The following MMP16 variants were observed in gnomAD, a reference collection of about 807,000 sequenced individuals.
MMP16 encodes the protein matrix metallopeptidase 16.
In MMP16, 12 loss-of-function variants were observed where a neutral mutation model predicts 67.8. That is an observed-to-expected ratio of 0.18 (90% confidence interval 0.11 to 0.29). The LOEUF is 0.29. Ranked by LOEUF, MMP16 falls within the 10% of genes least tolerant of loss-of-function variation. The pLI is 1.00. For synonymous variants in MMP16, 249 were observed against 255.9 expected (o/e 0.97, Z 0.26); for missense variants, 475 against 765.7 (o/e 0.62, Z 4.48).
Position 88,327,303 on chromosome 8 carries a change from C to G in MMP16, c.-97G>C. The stretch of plus-strand genomic sequence containing the variant: ...CGTTTCCTTTCAAAAAAAAGTCCTC[C>G]GGGTGGGTAAGGAGCCTGCAGGTTC... On this transcript the variant is annotated 5_prime_UTR_variant, in exon 1 of 10. Coordinates refer to ENST00000286614, the MANE Select transcript of MMP16 (RefSeq NM_005941.5). 6.5e-7 allele frequency: 1 copy of G among 1,546,820 alleles called. No homozygotes were observed. Among genetic ancestry groups the G allele is most frequent in the African/African-American group, 1.4e-5 (1 of 73,612 alleles).
Position 88,038,709 on chromosome 8 carries a change from T to C in MMP16, c.*2752A>G, listed in dbSNP as rs955219863. The C allele has an allele frequency of 6.6e-6, 1 of 152,592 alleles. No homozygotes were observed. The highest frequency in any genetic ancestry group is 2.4e-5 in the African/African-American group (1 of 41,450). 9.5% of individuals were successfully genotyped at this position (152,592 alleles called of 1,614,324 possible). On this transcript the variant is annotated 3_prime_UTR_variant, in exon 10 of 10. Coordinates refer to ENST00000286614, the MANE Select transcript of MMP16 (RefSeq NM_005941.5). The surrounding 1 kb of genome is among the most constrained non-coding windows in gnomAD (Gnocchi z 4.1). ...CACTGTATAAACGAGCTTATGTATATAGTCCTCCATGCTTAGCAGCAGTGA... is the reference window on the plus strand; with the variant it reads ...CACTGTATAAACGAGCTTATGTATACAGTCCTCCATGCTTAGCAGCAGTGA...
intron 1 of MMP16, among the ~76,000 whole-genome samples, chr8:88,257,352 C>A (rs1394651037): frequency 6.6e-6 from 1 of 152,180 alleles, no homozygotes; most frequent in Non-Finnish European, 1.5e-5. Flanking sequence ...AAAGGAGTAA[C>A]CTTCCAGCAG....
chr8:88,266,713 GA>G lies in MMP16; in HGVS notation c.132+60361del, dbSNP rs891079264. 6.7e-3 allele frequency among the ~76,000 whole-genome samples: 999 copies of G among 148,876 alleles called. 6 individuals carry two copies. Among genetic ancestry groups the G allele is most frequent in the African/African-American group, 0.022 (915 of 40,750 alleles). ...CTTCTTAGTAGCTTGTAAAAACACA[GA>G]AAAAAAAAATGTGCCTACCCAAGGT... is the stretch of plus-strand genomic sequence containing the variant. On this transcript the variant is annotated intron_variant, in intron 1 of 9. Coordinates refer to ENST00000286614, the MANE Select transcript of MMP16 (RefSeq NM_005941.5).
At chr8:88,317,561 T>G (rs1811392750) in intron 1 of MMP16, among the ~76,000 whole-genome samples, 2 of 152,182 alleles carry the variant, frequency 1.3e-5, no homozygotes, top group South Asian at 2.1e-4. Flanking sequence ...TTTGTGAATT[T>G]CTCTTTATTG....
At chr8:88,083,000 A>G (rs1158419075) in intron 6 of MMP16, among the ~76,000 whole-genome samples, 1 of 152,060 alleles carries the variant, frequency 6.6e-6, no homozygotes, top group Admixed American at 6.6e-5. Flanking sequence ...AGAAACTTCA[A>G]ATAAATATTA....
chr8:88,102,534 C>A (rs970573710), intron 6 of MMP16, among the ~76,000 whole-genome samples: 4 of 151,646 alleles, frequency 2.6e-5, no homozygotes, highest in African/African-American at 9.7e-5. Flanking sequence ...TTTATGGTGG[C>A]TTCATTATGT....
intron 8 of MMP16, 123 bp downstream of exon 8, chr8:88,056,005 C>T: frequency 1.6e-6 from 1 of 609,232 alleles, no homozygotes; most frequent in Non-Finnish European, 2.5e-6. Context: ...TTTTTAATTG[C>T]ATTAACTCCT....
At chr8:88,079,307 G>C (rs1012350024) in intron 6 of MMP16, among the ~76,000 whole-genome samples, 5 of 152,254 alleles carry the variant, frequency 3.3e-5, no homozygotes, top group African/African-American at 9.6e-5. Context: ...TTTTGAGAGA[G>C]AGACCATATA....
At chr8:88,223,949 C>T (rs1809727795) in intron 1 of MMP16, among the ~76,000 whole-genome samples, 1 of 151,688 alleles carries the variant, frequency 6.6e-6, no homozygotes, top group Non-Finnish European at 1.5e-5. Context: ...TGAGAATGAC[C>T]TCTAGGAATG....
chr8:88,134,494 T>C (rs1393931010), intron 4 of MMP16, among the ~76,000 whole-genome samples: 1 of 151,724 alleles, frequency 6.6e-6, no homozygotes, highest in Non-Finnish European at 1.5e-5. Context: ...TTATTTTCTA[T>C]TTTGTAAGCC....
intron 1 of MMP16, among the ~76,000 whole-genome samples, chr8:88,283,070 T>C (rs1020569610): frequency 1.3e-5 from 2 of 152,190 alleles, no homozygotes; most frequent in African/African-American, 4.8e-5. Flanking sequence ...ATCTCATGCA[T>C]AATACTCTGG....
chr8:88,049,910 A>G (rs956829330), intron 8 of MMP16, among the ~76,000 whole-genome samples: 1 of 152,168 alleles, frequency 6.6e-6, no homozygotes, highest in Non-Finnish European at 1.5e-5. Context: ...CTTTAGTTCC[A>G]GCTACTCAGG....
At chr8:88,150,767 TG>T (rs1404524539) in intron 4 of MMP16, among the ~76,000 whole-genome samples, 2 of 151,284 alleles carry the variant, frequency 1.3e-5, no homozygotes, top group Non-Finnish European at 2.9e-5. Context: ...CATGCCAAAA[TG>T]TAAAGACCAT....
intron 1 of MMP16, among the ~76,000 whole-genome samples, chr8:88,320,753 T>C (rs1220422706): frequency 1.3e-5 from 2 of 152,126 alleles, no homozygotes; most frequent in Non-Finnish European, 2.9e-5. Context: ...AGCAGCTCAA[T>C]AGCTCCCTCT....
chr8:88,211,797 C>A (rs1809516728), intron 1 of MMP16, among the ~76,000 whole-genome samples: 1 of 152,152 alleles, frequency 6.6e-6, no homozygotes, highest in African/African-American at 2.4e-5. Flanking sequence ...CCCAAAATAT[C>A]ATTTCCTTTA....
At chr8:88,290,276 G>C (rs1251880659) in intron 1 of MMP16, among the ~76,000 whole-genome samples, 1 of 152,120 alleles carries the variant, frequency 6.6e-6, no homozygotes, top group East Asian at 1.9e-4. Context: ...TATTGGGCCA[G>C]GCACGGTGGC....
intron 1 of MMP16, among the ~76,000 whole-genome samples, chr8:88,249,556 T>C (rs1003488245): frequency 1.3e-5 from 2 of 152,146 alleles, no homozygotes. Context: ...TCCCACCTTA[T>C]GTTAGAGGGA....
chr8:88,095,786 C>G (rs927616039), intron 6 of MMP16, among the ~76,000 whole-genome samples: 7 of 151,942 alleles, frequency 4.6e-5, no homozygotes, highest in Admixed American at 2.6e-4. Flanking sequence ...GCTGAGCATT[C>G]AAAAGACTTC....
chr8:88,268,463 A>G (rs1004315202), intron 1 of MMP16, among the ~76,000 whole-genome samples: 13 of 152,226 alleles, frequency 8.5e-5, no homozygotes, highest in Admixed American at 6.5e-5. Context: ...GCTTCAAGGA[A>G]TATGTATTCT....
Sources: allele counts gnomAD v4.1 joint callset (sites outside exome capture counted in the v4.1 genomes callset), GRCh38; gene constraint gnomAD v4.1.1; non-coding constraint Gnocchi (gnomAD v3.1); transcripts MANE v1.5; gene names NCBI Gene and HGNC (gene_info 2026-07-23, HGNC 2026-07-21).